The following RNF216 variants were observed in gnomAD, a reference collection of about 807,000 sequenced individuals.
RNF216 encodes the protein E3 ubiquitin-protein ligase RNF216.
In RNF216, 72 loss-of-function variants were observed where a neutral mutation model predicts 110.8. The ratio of observed to expected loss-of-function variants is 0.65; its 90% CI spans 0.54 to 0.79. The LOEUF (loss-of-function observed/expected upper bound fraction) is 0.79, where lower values mean the gene tolerates loss of function less well. RNF216 is among the 30% of genes least tolerant of loss of function. RNF216 has a pLI of 0.00. For synonymous variants in RNF216, 495 were observed against 407.5 expected (o/e 1.21, Z -2.59); for missense variants, 1,342 against 1,141.2 (o/e 1.18, Z -2.54).
Position 5,739,348 on chromosome 7 carries a change from G to C in RNF216, c.1049C>G (p.Ala350Gly), listed in dbSNP as rs1265070580. ...LVELLVKETEARFPDVANGFI... is the reference protein window; with the variant it reads ...LVELLVKETEGRFPDVANGFI... ...CCCATTTGCTACATCTGGAAATCTT[G>C]CTTCCTAGAAACAAATAAGAACATA... Residue 350 changes from alanine (A) to glycine (G), a missense_variant, in exon 5 of 17, where the codon GCA becomes GGA. Transcript: ENST00000389902. 6.3e-7 allele frequency: 1 copy of C among 1,595,168 alleles called. No homozygotes were observed. Among genetic ancestry groups the C allele is most frequent in the Non-Finnish European group, 8.5e-7 (1 of 1,174,184 alleles).
In RNF216 at chr7:5,635,374, T is replaced by A. The variant is rs534097781; in HGVS notation, c.2382+5780A>T. On this transcript the variant is annotated intron_variant, in intron 15 of 16. Transcript: ENST00000389902. ...GCCAAAGCCAGCTGTGGAAGCTGGGTGATGGGACAATCTGGGGGCTCACTT... is the reference window on the plus strand; with the variant it reads ...GCCAAAGCCAGCTGTGGAAGCTGGGAGATGGGACAATCTGGGGGCTCACTT... Among the ~76,000 whole-genome samples, 12 of 150,960 alleles carry A rather than the reference T, an allele frequency of 7.9e-5. No homozygotes were observed. The South Asian group carries it at 2.3e-3, about 29-fold the overall frequency.
chr7:5,759,579 T>A (rs1795821302), intron 2 of RNF216, among the ~76,000 whole-genome samples: 1 of 151,998 alleles, frequency 6.6e-6, no homozygotes, highest in South Asian at 2.1e-4. Context: ...TCAGTAAGGC[T>A]TCCAGTCAAC....
chr7:5,672,136 C>T (rs965084251), intron 13 of RNF216, among the ~76,000 whole-genome samples: 34 of 152,242 alleles, frequency 2.2e-4, no homozygotes, highest in Non-Finnish European at 8.8e-5. Context: ...TGATCTTCTT[C>T]ATACATGTTG....
rs75944082 is a variant in RNF216 at position 5,677,524 on chromosome 7, A to G, written c.2062-25014T>C. Reference sequence around the variant, plus strand: ...AAGGCCACTTATATGGCTTCTGGTAAATTATAATAATGGCAAACCCTTACA... The same window carrying G: ...AAGGCCACTTATATGGCTTCTGGTAGATTATAATAATGGCAAACCCTTACA... On this transcript the variant is annotated intron_variant, in intron 13 of 16. Transcript: ENST00000389902. Among the ~76,000 whole-genome samples the G allele has an allele frequency of 4.2e-4, 64 of 152,362 alleles. No homozygotes were observed. In the East Asian group the frequency reaches 0.012, roughly 28 times the overall value.
At chr7:5,704,653 C>G (rs1358168355) in intron 13 of RNF216, among the ~76,000 whole-genome samples, 6 of 152,184 alleles carry the variant, frequency 3.9e-5, no homozygotes, top group Middle Eastern at 3.2e-3. Flanking sequence ...ATCTGTGCCA[C>G]CTAGTGGCAA....
chr7:5,673,421 G>T (rs1437250462), intron 13 of RNF216, among the ~76,000 whole-genome samples: 5 of 152,232 alleles, frequency 3.3e-5, no homozygotes, highest in East Asian at 1.9e-4. Flanking sequence ...GGCCTGGTTT[G>T]CGAGAAGAGA....
chr7:5,741,719 T>C lies in RNF216; in HGVS notation c.298A>G (p.Arg100Gly), dbSNP rs762099941. ...RLGEERPKKS[R>G]AAFESDKSSY... ...CTCTTATCTGATTCAAATGCTGCTCTAGACTTTTTAGGCCTTTCTTCTCCC... is the reference window on the plus strand; with the variant it reads ...CTCTTATCTGATTCAAATGCTGCTCCAGACTTTTTAGGCCTTTCTTCTCCC... The change falls in exon 4 of 17, where the codon AGA (arginine) becomes GGA (glycine). Residue 100 changes from arginine (R) to glycine (G), a missense_variant. Physicochemically the swap from Arg to Gly is moderately radical, Grantham distance 125. Transcript: ENST00000389902. The C allele has an allele frequency of 6.2e-7, 1 of 1,614,236 alleles. No homozygotes were observed.
intron 13 of RNF216, among the ~76,000 whole-genome samples, chr7:5,658,068 T>C (rs970938264): frequency 3.9e-5 from 6 of 152,216 alleles, no homozygotes; most frequent in South Asian, 2.1e-4. Context: ...CAGGGGAGCA[T>C]GCATGTGCAT....
At chr7:5,659,954 T>A (rs918591839) in intron 13 of RNF216, among the ~76,000 whole-genome samples, 2 of 16,628 alleles carry the variant, frequency 1.2e-4, no homozygotes, top group Non-Finnish European at 2.3e-4. Flanking sequence ...ATTCATTAAT[T>A]TTTTTTTTTT....
chr7:5,687,661 A>C (rs1791078515), intron 13 of RNF216, among the ~76,000 whole-genome samples: 1 of 152,238 alleles, frequency 6.6e-6, no homozygotes, highest in Non-Finnish European at 1.5e-5. Context: ...AAACCAACAC[A>C]GAGAAATTAA....
intron 13 of RNF216, among the ~76,000 whole-genome samples, chr7:5,678,594 T>C (rs1472956783): frequency 6.6e-6 from 1 of 152,232 alleles, no homozygotes; most frequent in African/African-American, 2.4e-5. Context: ...TCAGCTTCCC[T>C]ATCTATAAAA....
At chr7:5,768,978 C>A (rs2128678087) in intron 1 of RNF216, among the ~76,000 whole-genome samples, 1 of 151,886 alleles carries the variant, frequency 6.6e-6, no homozygotes, top group African/African-American at 2.4e-5. Flanking sequence ...CTTTTAAAAT[C>A]CACACATTAA....
intron 2 of RNF216, among the ~76,000 whole-genome samples, chr7:5,757,790 A>T (rs1353334830): frequency 1.3e-5 from 2 of 152,218 alleles, no homozygotes; most frequent in Non-Finnish European, 2.9e-5. Context: ...AATGTTCCAT[A>T]TCATAATTCA....
chr7:5,655,415 C>T (rs540971686), intron 13 of RNF216, among the ~76,000 whole-genome samples: 39 of 152,062 alleles, frequency 2.6e-4, no homozygotes, highest in Admixed American at 7.9e-4. Context: ...CTGGCCAACA[C>T]GGAGAAACCC....
At chr7:5,706,376 A>C (rs1218738562) in intron 13 of RNF216, among the ~76,000 whole-genome samples, 1 of 152,010 alleles carries the variant, frequency 6.6e-6, no homozygotes, top group Non-Finnish European at 1.5e-5. Context: ...CTGCACAGTG[A>C]CTCCCCACTT....
chr7:5,692,321 C>G (rs980414098), intron 13 of RNF216, among the ~76,000 whole-genome samples: 3 of 152,172 alleles, frequency 2.0e-5, no homozygotes, highest in Admixed American at 6.5e-5. Flanking sequence ...AGGAAAGTAA[C>G]AACTTTATTT....
chr7:5,724,406 C>T lies in RNF216; in HGVS notation c.1504+918G>A, dbSNP rs542783726. Among the ~76,000 whole-genome samples, 12 of 152,324 alleles carry T rather than the reference C, an allele frequency of 7.9e-5. No individual in the cohort carries two copies. The East Asian group carries it at 2.3e-3, about 29-fold the overall frequency. On this transcript the variant is annotated intron_variant, in intron 8 of 16. Coordinates refer to ENST00000389902, the MANE Select transcript of RNF216 (RefSeq NM_207111.4). ...ACTATCTTGCAAAATAGCACTTTCT[C>T]CACCACTGAAGTCAGAAACAAATAC...
Position 5,739,748 on chromosome 7 carries a change from C to G in RNF216, c.1045-396G>C, listed in dbSNP as rs529487578. ...GGGTGCAGTGGCTCATGCCTATAAT[C>G]GAAGCACTTTGGGAGGTCGAGGCAG... On this transcript the variant is annotated intron_variant, in intron 4 of 16. Coordinates refer to ENST00000389902, the MANE Select transcript of RNF216 (RefSeq NM_207111.4). 1.0e-5 allele frequency: 4 copies of G among 399,474 alleles called. No individual in the cohort carries two copies. The East Asian group carries it at 2.9e-4, about 29-fold the overall frequency. 24.7% of individuals were successfully genotyped at this position (399,474 alleles called of 1,614,324 possible).
chr7:5,708,397 G>C (rs1445547671), intron 13 of RNF216, among the ~76,000 whole-genome samples: 3 of 152,154 alleles, frequency 2.0e-5, no homozygotes, highest in Non-Finnish European at 2.9e-5. Flanking sequence ...ACATATTTGG[G>C]TGCACTGATG....
Sources: allele counts gnomAD v4.1 joint callset (sites outside exome capture counted in the v4.1 genomes callset), GRCh38; gene constraint gnomAD v4.1.1; transcripts MANE v1.5; gene names NCBI Gene and HGNC (gene_info 2026-07-23, HGNC 2026-07-21).